Variants in TOR1AIP2 observed in about 807,000 individuals in gnomAD.
TOR1AIP2 encodes torsin-1A-interacting protein 2.
TOR1AIP2 carries 20 observed loss-of-function variants against 32.6 expected under a neutral mutation model. That is an observed-to-expected ratio of 0.61 (90% CI 0.43 to 0.89). The LOEUF is 0.89. Among genes scored for constraint, TOR1AIP2 ranks in the 40% least tolerant of loss-of-function variants. The pLI is 0.00. For missense variants in TOR1AIP2, 456 were observed against 553.8 expected, an observed-to-expected ratio of 0.82 and a Z score of 1.77; for synonymous variants, 214 against 210.8, an observed-to-expected ratio of 1.02 and a Z score of -0.13.
At chr1:179,862,455 T>C (rs1056106377) in intron 3 of TOR1AIP2, 8 of 985,310 alleles carry the variant, frequency 8.1e-6, no homozygotes, top group Admixed American at 6.1e-5. Flanking sequence ...GCAGTTCACA[T>C]AGTTTATTCA....
At chr1:179,863,152 G>C (rs1051240951) in intron 3 of TOR1AIP2, 2 of 669,794 alleles carry the variant, frequency 3.0e-6, no homozygotes, top group Non-Finnish European at 3.7e-6. Flanking sequence ...CTTGAACCCG[G>C]AAGGCAGAGG....
rs747016311 is a variant in TOR1AIP2 at position 179,851,030 on chromosome 1, T to C, written c.368A>G (p.Asp123Gly). The C allele has an allele frequency of 1.2e-5, 20 of 1,614,080 alleles. No individual in the cohort carries two copies. The highest frequency in any genetic ancestry group is 1.7e-5 in the Non-Finnish European group (20 of 1,180,030). ...LDPDPSHSPS[D>G]KVGRADAHLG... ...GTGTGCATCTGCTCTTCCTACCTTG[T>C]CACTTGGAGAATGGCTGGGATCTGG... The change falls in exon 5 of 7, where the codon GAC (aspartate) becomes GGC (glycine). Residue 123 changes from aspartate (D) to glycine (G), a missense_variant. Coordinates refer to ENST00000609928, the MANE Select transcript of TOR1AIP2 (RefSeq NM_001199260.2).
intron 3 of TOR1AIP2, among the ~76,000 whole-genome samples, chr1:179,857,199 G>A (rs746422519): frequency 6.6e-6 from 1 of 152,168 alleles, no homozygotes; most frequent in African/African-American, 2.4e-5. Flanking sequence ...ACGAAATGTT[G>A]GTGTTCAGTG....
intron 2 of TOR1AIP2, chr1:179,875,412 C>T (rs1697159095): frequency 6.6e-6 from 1 of 152,132 alleles, no homozygotes. Flanking sequence ...CTGGCAACCA[C>T]AGGGGCACAA....
At chr1:179,854,325 ATAAG>A (rs1391668381) in intron 3 of TOR1AIP2, among the ~76,000 whole-genome samples, 1 of 152,204 alleles carries the variant, frequency 6.6e-6, no homozygotes, top group African/African-American at 2.4e-5. Flanking sequence ...TAAAAAAGAG[ATAAG>A]TAAACAGAAA....
At chr1:179,864,996 T>C in intron 3 of TOR1AIP2, 1 of 1,614,024 alleles carries the variant, frequency 6.2e-7, no homozygotes, top group Non-Finnish European at 8.5e-7. Flanking sequence ...AGAACAAGGC[T>C]TCTATTAGCA....
chr1:179,862,644 C>G (rs552105882), intron 3 of TOR1AIP2: 2 of 985,334 alleles, frequency 2.0e-6, no homozygotes, highest in East Asian at 1.1e-4. Context: ...CTAAAAGAGC[C>G]CTGGTCAGGC....
intron 2 of TOR1AIP2, among the ~76,000 whole-genome samples, chr1:179,876,643 A>C (rs1016207715): frequency 1.0e-5 from 1 of 95,632 alleles, no homozygotes; most frequent in Non-Finnish European, 2.5e-5. Context: ...TCTTGTGCTC[A>C]AAAAAAAAAG....
Position 179,860,214 on chromosome 1 carries a change from G to A in TOR1AIP2, c.-147+5222C>T, listed in dbSNP as rs1015336204. The stretch of plus-strand genomic sequence containing the variant: ...AAAACTAAGACTCGGTGGACACGGC[G>A]GCTCATGCCTATAATCCCAGCACTT... On this transcript the variant is annotated intron_variant, in intron 3 of 6. Coordinates refer to ENST00000609928, the MANE Select transcript of TOR1AIP2 (RefSeq NM_001199260.2). 22 of 985,098 alleles carry A rather than the reference G, an allele frequency of 2.2e-5. No homozygotes were observed. In the South Asian group the frequency reaches 2.4e-4, roughly 11 times the overall value. 61.0% of individuals were successfully genotyped at this position (985,098 alleles called of 1,614,324 possible). A position where few individuals can be genotyped will look rare whatever the true frequency, so the allele number is the denominator to read the frequency against.
chr1:179,874,409 G>A (rs894600611), intron 2 of TOR1AIP2: 6 of 151,680 alleles, frequency 4.0e-5, no homozygotes, highest in South Asian at 4.2e-4. Flanking sequence ...GCAAGTCCTT[G>A]TCTCAAAAGA....
At chr1:179,851,953 C>A (rs536089197) in intron 4 of TOR1AIP2, among the ~76,000 whole-genome samples, 1 of 152,138 alleles carries the variant, frequency 6.6e-6, no homozygotes. Flanking sequence ...AAACCCAGCA[C>A]GTGGGAAATT....
chr1:179,854,976 C>T (rs1696244274), intron 3 of TOR1AIP2, among the ~76,000 whole-genome samples: 2 of 151,986 alleles, frequency 1.3e-5, no homozygotes, highest in South Asian at 2.1e-4. Flanking sequence ...TATATGCATA[C>T]ATACATAAGG....
intron 3 of TOR1AIP2, chr1:179,863,802 T>C: frequency 1.0e-6 from 1 of 985,228 alleles, no homozygotes; most frequent in Non-Finnish European, 1.2e-6. Flanking sequence ...TTAAGTGTAA[T>C]TTAAAAATTG....
chr1:179,844,385 T>C lies in TOR1AIP2; in HGVS notation c.*1686A>G, dbSNP rs1365211157. On this transcript the variant is annotated 3_prime_UTR_variant, in exon 7 of 7. Coordinates refer to ENST00000609928, the MANE Select transcript of TOR1AIP2 (RefSeq NM_001199260.2). ...ATCAGTAAAGATCCCTGTATCTTCT[T>C]AGTGTTTCCTAAAATCTTTCCATAC... 1 of 152,254 alleles carries C rather than the reference T, an allele frequency of 6.6e-6. No individual in the cohort carries two copies. The highest frequency in any genetic ancestry group is 1.5e-5 in the Non-Finnish European group (1 of 68,046). The allele number at this position is 152,254 out of a possible 1,614,324, so 9.4% of individuals were successfully genotyped here.
At chr1:179,876,696 G>A (rs1260380535) in intron 2 of TOR1AIP2, among the ~76,000 whole-genome samples, 1 of 150,956 alleles carries the variant, frequency 6.6e-6, no homozygotes, top group Non-Finnish European at 1.5e-5. Context: ...AACAAAGAAA[G>A]GATCTCTCAT....
chr1:179,873,222 T>C (rs1321087122), intron 2 of TOR1AIP2, among the ~76,000 whole-genome samples: 1 of 152,202 alleles, frequency 6.6e-6, no homozygotes, highest in Non-Finnish European at 1.5e-5. Flanking sequence ...ACACGTGGTC[T>C]TGCTATGTTG....
rs1695956206 is a variant in TOR1AIP2, at chr1:179,847,531, T to C, written c.655+4A>G. The C allele has an allele frequency of 1.2e-6, 2 of 1,605,000 alleles. No individual in the cohort carries two copies. The highest frequency in any genetic ancestry group is 1.7e-6 in the Non-Finnish European group (2 of 1,171,706). On this transcript the variant is annotated splice_donor_region_variant and intron_variant, in intron 6 of 6. Transcript: ENST00000609928. Reference sequence around the variant, plus strand: ...CACTGCAGTAAAACCAGGTTTGTTCTCACCATAGCTCCAAAAACCCTTTTT... The same window carrying C: ...CACTGCAGTAAAACCAGGTTTGTTCCCACCATAGCTCCAAAAACCCTTTTT...
rs1156520020 is a variant in TOR1AIP2 at position 179,840,630 on chromosome 1, A to C, written c.*5441T>G. ...GCCATTTGGATTGGCCTATAGAGAT[A>C]CAGAAGTTATAGCACAGTTTACCAA... On this transcript the variant is annotated 3_prime_UTR_variant, in exon 7 of 7. Transcript: ENST00000609928. 1 of 152,090 alleles carries C rather than the reference A, an allele frequency of 6.6e-6. No individual in the cohort carries two copies. Among genetic ancestry groups the C allele is most frequent in the Non-Finnish European group, 1.5e-5 (1 of 68,044 alleles). 9.4% of individuals were successfully genotyped at this position (152,090 alleles called of 1,614,324 possible). A position where few individuals can be genotyped will look rare whatever the true frequency, so the allele number is the denominator to read the frequency against.
intron 2 of TOR1AIP2, among the ~76,000 whole-genome samples, chr1:179,866,721 T>A (rs1286384007): frequency 6.6e-6 from 1 of 152,224 alleles, no homozygotes; most frequent in African/African-American, 2.4e-5. Context: ...CACCTAGTTT[T>A]ATTGGTTTAT....
Sources: allele counts gnomAD v4.1 joint callset (sites outside exome capture counted in the v4.1 genomes callset), GRCh38; gene constraint gnomAD v4.1.1; transcripts MANE v1.5; gene names NCBI Gene and HGNC (gene_info 2026-07-23, HGNC 2026-07-21).